Variants in MYO18B observed in about 807,000 individuals in gnomAD.
The protein encoded by MYO18B is myosin XVIIIB.
MYO18B carries 204 observed loss-of-function variants against 273.0 expected under a neutral mutation model. The observed-to-expected ratio is 0.75, with a 90% CI of 0.67 to 0.84. MYO18B has a LOEUF of 0.84. MYO18B is among the 40% of genes least tolerant of loss of function. The pLI is 0.00. For synonymous variants in MYO18B, 1,330 were observed against 1,305.7 expected (o/e 1.02, Z -0.40); for missense variants, 3,212 against 3,287.6 (o/e 0.98, Z 0.56).
intron 32 of MYO18B, among the ~76,000 whole-genome samples, chr22:25,909,707 C>T (rs1243882540): frequency 6.6e-6 from 1 of 152,186 alleles, no homozygotes; most frequent in Non-Finnish European, 1.5e-5. Flanking sequence ...AGAGTGAAGT[C>T]AGAGAACGGT....
intron 33 of MYO18B, among the ~76,000 whole-genome samples, chr22:25,916,239 A>G (rs1336075266): frequency 3.3e-5 from 5 of 152,196 alleles, no homozygotes; most frequent in Non-Finnish European, 7.4e-5. Context: ...GTTGATGATG[A>G]TTAGTCTTGT....
At chr22:25,840,157 T>C (rs1569094554) in intron 17 of MYO18B, among the ~76,000 whole-genome samples, 1 of 152,310 alleles carries the variant, frequency 6.6e-6, no homozygotes, top group East Asian at 1.9e-4. Flanking sequence ...CCCACAACCC[T>C]GGGCGCTCCC....
chr22:25,912,002 G>A (rs2146392651), intron 33 of MYO18B, among the ~76,000 whole-genome samples: 1 of 152,244 alleles, frequency 6.6e-6, no homozygotes, highest in African/African-American at 2.4e-5. Context: ...ACATGGGTTC[G>A]ATGTCTATTA....
intron 18 of MYO18B, among the ~76,000 whole-genome samples, chr22:25,845,881 G>A (rs534586319): frequency 1.8e-4 from 28 of 152,238 alleles, no homozygotes; most frequent in African/African-American, 5.5e-4. Flanking sequence ...GGTAGAAGAC[G>A]GGCATCAGGA....
Position 25,946,177 on chromosome 22 carries a change from C to A in MYO18B, c.5558C>A (p.Thr1853Lys). 1 of 1,578,190 alleles carries A rather than the reference C, an allele frequency of 6.3e-7. No individual in the cohort carries two copies. Among genetic ancestry groups the A allele is most frequent in the Non-Finnish European group, 8.6e-7 (1 of 1,165,264 alleles). Residue 1853 changes from threonine to lysine, a missense_variant, in exon 35 of 44, where the codon ACG becomes AAG. By Grantham distance (78) the Thr-to-Lys change is moderately conservative. Coordinates refer to ENST00000335473, the MANE Select transcript of MYO18B (RefSeq NM_032608.7). ...SEAKCEEALKTQKVLTADLES... is the reference protein window; with the variant it reads ...SEAKCEEALKKQKVLTADLES... Reference sequence around the variant, plus strand: ...GCCAAGTGTGAGGAGGCCTTGAAGACGCAGAAGGTGCTCACAGCGGACCTG... The same window carrying A: ...GCCAAGTGTGAGGAGGCCTTGAAGAAGCAGAAGGTGCTCACAGCGGACCTG...
At chr22:25,958,358 C>T (rs2092878692) in intron 39 of MYO18B, among the ~76,000 whole-genome samples, 1 of 152,234 alleles carries the variant, frequency 6.6e-6, no homozygotes, top group African/African-American at 2.4e-5. Flanking sequence ...TACATCCTGT[C>T]GTTTCCTTAA....
At chr22:25,850,164 C>G (rs1360177555) in intron 20 of MYO18B, among the ~76,000 whole-genome samples, 1 of 152,150 alleles carries the variant, frequency 6.6e-6, no homozygotes, top group African/African-American at 2.4e-5. Flanking sequence ...TGCTGTTCTT[C>G]CTAGTTGATG....
intron 20 of MYO18B, among the ~76,000 whole-genome samples, chr22:25,848,537 G>T (rs2748237): frequency 2.9e-4 from 44 of 152,220 alleles, no homozygotes; most frequent in African/African-American, 7.9e-4. Context: ...GCGCAGGCTG[G>T]GAATGCCTCT....
rs563679638 is a variant in MYO18B, at chr22:25,768,440, C to G, written c.524C>G (p.Ala175Gly). Residue 175 changes from alanine to glycine, a missense_variant, in exon 4 of 44, where the codon GCC (alanine) becomes GGC (glycine). By Grantham distance (60) the Ala-to-Gly change is moderately conservative (BLOSUM62 0). Transcript: ENST00000335473. ...CCAGAGAAGACTCATCCCCATGACG[C>G]CCCCCCTTGCAAGACCTCTCCCCCC... The part of the protein sequence containing the change: ...AKPEKTHPHD[A>G]PPCKTSPPAT... The G allele has an allele frequency of 7.6e-6, 10 of 1,309,524 alleles. No homozygotes were observed. The highest frequency in any genetic ancestry group is 1.2e-5 in the South Asian group (1 of 86,490). The allele number at this position is 1,309,524 out of a possible 1,614,324, so 81.1% of individuals were successfully genotyped here. A position where few individuals can be genotyped will look rare whatever the true frequency, so the allele number is the denominator to read the frequency against.
intron 40 of MYO18B, among the ~76,000 whole-genome samples, chr22:25,994,068 A>T (rs1932973192): frequency 2.0e-5 from 3 of 152,216 alleles, no homozygotes; most frequent in South Asian, 2.1e-4. Context: ...CCCTTAATGC[A>T]GTCCTGGGCT....
chr22:25,799,158 T>TGTGTGTGTGTGTGTGTGC (rs1228079341), intron 12 of MYO18B, among the ~76,000 whole-genome samples: 9 of 151,572 alleles, frequency 5.9e-5, no homozygotes, highest in Non-Finnish European at 8.8e-5. Context: ...TGTGTGTGTG[T>TGTGTGTGTGTGTGTGTGC]GTGCTTGGAT....
intron 39 of MYO18B, among the ~76,000 whole-genome samples, chr22:25,967,733 G>A (rs969687689): frequency 1.3e-5 from 2 of 152,186 alleles, no homozygotes; most frequent in Admixed American, 6.5e-5. Context: ...ATTGGCTCAT[G>A]TAATGAAAAA....
chr22:25,998,647 TG>T (rs1322522887), intron 40 of MYO18B, among the ~76,000 whole-genome samples: 3 of 152,204 alleles, frequency 2.0e-5, no homozygotes, highest in African/African-American at 7.2e-5. Context: ...TATTCATGAG[TG>T]GACCCAGGCT....
chr22:25,823,367 G>A (rs777650616), intron 12 of MYO18B, 138 bp from the exon 13 acceptor site: 69 of 882,562 alleles, frequency 7.8e-5, no homozygotes, highest in Admixed American at 4.0e-4. Context: ...CCAGGCCTGG[G>A]CAGTTGTCCA....
intron 38 of MYO18B, among the ~76,000 whole-genome samples, chr22:25,952,824 C>A (rs1243861889): frequency 6.6e-6 from 1 of 152,254 alleles, no homozygotes; most frequent in African/African-American, 2.4e-5. Flanking sequence ...CAACCACTTA[C>A]ATGCCCAACA....
intron 3 of MYO18B, 101 bp downstream of exon 3, chr22:25,763,490 C>A: frequency 1.5e-6 from 2 of 1,378,638 alleles, no homozygotes; most frequent in African/African-American, 1.5e-5. Context: ...TTTGCTCCTG[C>A]TGTCCTGGTT....
At chr22:25,750,807 C>G (rs962809092) in intron 1 of MYO18B, among the ~76,000 whole-genome samples, 3 of 152,156 alleles carry the variant, frequency 2.0e-5, no homozygotes, top group Admixed American at 6.6e-5. Flanking sequence ...CTGGCACCCT[C>G]AGGCATGGTG....
Position 25,955,246 on chromosome 22 carries a change from C to T in MYO18B, c.6038C>T (p.Ser2013Phe). The T allele has an allele frequency of 6.2e-7, 1 of 1,613,646 alleles. No homozygotes were observed. Among genetic ancestry groups the T allele is most frequent in the Non-Finnish European group, 8.5e-7 (1 of 1,179,804 alleles). ...MGEELSQAATSESQQRESSQY... is the reference protein window; with the variant it reads ...MGEELSQAATFESQQRESSQY... ...GAGGAGCTTTCACAGGCGGCCACCT[C>T]CGAGTCCCAGCAGCGGGAGAGCAGC... The change falls in exon 39 of 44, where the codon TCC (serine) becomes TTC (phenylalanine). Residue 2013 changes from serine to phenylalanine, a missense_variant. Coordinates refer to ENST00000335473, the MANE Select transcript of MYO18B (RefSeq NM_032608.7).
At chr22:26,000,006 G>T (rs891589484) in intron 40 of MYO18B, among the ~76,000 whole-genome samples, 1 of 152,180 alleles carries the variant, frequency 6.6e-6, no homozygotes, top group Admixed American at 6.5e-5. Context: ...ACCACTGACC[G>T]CATGTCAGGA....
Sources: gnomAD v4.1 joint callset for allele counts (sites outside exome capture counted in the v4.1 genomes callset) on GRCh38, gnomAD v4.1.1 for gene constraint, MANE v1.5 for transcripts, NCBI Gene and HGNC (gene_info 2026-07-23, HGNC 2026-07-21) for gene names.